Variants in SLC25A13 observed in about 807,000 individuals in gnomAD.
The protein encoded by SLC25A13 is electrogenic aspartate/glutamate antiporter SLC25A13, mitochondrial.
A neutral mutation model predicts 85.5 loss-of-function variants in SLC25A13; 70 were observed. The ratio of observed to expected loss-of-function variants is 0.82; its 90% CI spans 0.68 to 1.00. The LOEUF is 1.00. Ranked by LOEUF, SLC25A13 falls within the 50% of genes least tolerant of loss-of-function variation. The pLI is 0.00. For missense variants in SLC25A13, 765 were observed against 819.8 expected (o/e 0.93, Z 0.82); for synonymous variants, 259 against 288.7 (o/e 0.90, Z 1.04).
intron 4 of SLC25A13, among the ~76,000 whole-genome samples, chr7:96,226,008 A>G (rs933940088): frequency 7.9e-5 from 12 of 152,154 alleles, no homozygotes; most frequent in African/African-American, 2.9e-4. Flanking sequence ...ATGAAAATAA[A>G]ATCTTTTTTT....
chr7:96,152,178 C>G (rs1210307165), intron 13 of SLC25A13, among the ~76,000 whole-genome samples: 2 of 152,096 alleles, frequency 1.3e-5, no homozygotes, highest in South Asian at 4.1e-4. Flanking sequence ...AATAAGATTG[C>G]TGGAGCCAAC....
chr7:96,200,612 G>A (rs934820255), intron 5 of SLC25A13, among the ~76,000 whole-genome samples: 3 of 152,054 alleles, frequency 2.0e-5, no homozygotes, highest in Non-Finnish European at 4.4e-5. Flanking sequence ...AATTCACTGG[G>A]TGAGGCCTTT....
intron 3 of SLC25A13, among the ~76,000 whole-genome samples, chr7:96,244,800 A>C (rs960394795): frequency 6.6e-6 from 1 of 152,224 alleles, no homozygotes. Flanking sequence ...GGCTCCAGTG[A>C]AATCTGGCAG....
At chr7:96,181,468 G>A (rs1162671972) in intron 11 of SLC25A13, among the ~76,000 whole-genome samples, 1 of 152,114 alleles carries the variant, frequency 6.6e-6, no homozygotes, top group African/African-American at 2.4e-5. Context: ...AATGCCACAG[G>A]GAAAGGCTTT....
At chr7:96,229,068 C>T (rs558291834) in intron 4 of SLC25A13, among the ~76,000 whole-genome samples, 17 of 152,314 alleles carry the variant, frequency 1.1e-4, no homozygotes, top group African/African-American at 3.4e-4. Context: ...CAGGTCCCAC[C>T]GACCACCCAA....
At chr7:96,236,517 G>A (rs916522418) in intron 3 of SLC25A13, among the ~76,000 whole-genome samples, 2 of 152,218 alleles carry the variant, frequency 1.3e-5, no homozygotes, top group Non-Finnish European at 2.9e-5. Context: ...AAGAGTTGGG[G>A]ACTGCTTCAT....
intron 2 of SLC25A13, 81 bp from the exon 3 acceptor site, chr7:96,277,419 T>G: frequency 7.5e-7 from 1 of 1,340,504 alleles, no homozygotes; most frequent in East Asian, 2.5e-5. Context: ...TGTGAAAAAG[T>G]TGAAAATATC....
chr7:96,310,203 G>A (rs763184443), intron 1 of SLC25A13, among the ~76,000 whole-genome samples: 2 of 151,992 alleles, frequency 1.3e-5, no homozygotes, highest in Non-Finnish European at 2.9e-5. Flanking sequence ...CAGCTGTTTC[G>A]ATTCTTTTCT....
chr7:96,219,881 G>C (rs565038218), intron 4 of SLC25A13: 1 of 394,846 alleles, frequency 2.5e-6, no homozygotes, highest in South Asian at 2.1e-5. Flanking sequence ...GATATTTAGC[G>C]TAAGATATTA....
At chr7:96,264,446 A>C (rs775440294) in intron 3 of SLC25A13, among the ~76,000 whole-genome samples, 101 of 148,744 alleles carry the variant, frequency 6.8e-4, no homozygotes, top group Non-Finnish European at 1.2e-3. Context: ...CTGTCCCCAA[A>C]TCTCACCACT....
At chr7:96,260,070 G>T (rs911143676) in intron 3 of SLC25A13, among the ~76,000 whole-genome samples, 1 of 152,004 alleles carries the variant, frequency 6.6e-6, no homozygotes, top group East Asian at 1.9e-4. Context: ...GGGGAGCAAG[G>T]GGAGGGATAG....
At chr7:96,316,125 AAT>A (rs137922014) in intron 1 of SLC25A13, among the ~76,000 whole-genome samples, 16 of 149,508 alleles carry the variant, frequency 1.1e-4, no homozygotes, top group East Asian at 2.0e-4. Flanking sequence ...CCCTGTCCCA[AAT>A]ATATATATAT....
intron 2 of SLC25A13, among the ~76,000 whole-genome samples, chr7:96,295,211 C>A (rs1358060200): frequency 3.3e-5 from 5 of 152,062 alleles, no homozygotes. Context: ...ACAAAATTAG[C>A]CGGGTGTGGT....
At chr7:96,292,460 TATTCA>T (rs1374918495) in intron 2 of SLC25A13, among the ~76,000 whole-genome samples, 2 of 152,084 alleles carry the variant, frequency 1.3e-5, no homozygotes, top group African/African-American at 4.8e-5. Context: ...AAATAAAGGG[TATTCA>T]ATTAGGAAAA....
chr7:96,270,439 C>T (rs1427194119), intron 3 of SLC25A13, among the ~76,000 whole-genome samples: 1 of 151,910 alleles, frequency 6.6e-6, no homozygotes, highest in Admixed American at 6.6e-5. Context: ...CCCTGTAATC[C>T]CAGCTACTCA....
At chr7:96,320,738 A>G (rs1800310128) in intron 1 of SLC25A13, among the ~76,000 whole-genome samples, 1 of 152,344 alleles carries the variant, frequency 6.6e-6, no homozygotes, top group Admixed American at 6.5e-5. Flanking sequence ...TGCCACTTAG[A>G]CCACAGAAAC....
chr7:96,224,688 C>T lies in SLC25A13; in HGVS notation c.328+10114G>A, dbSNP rs150727102. Among the ~76,000 whole-genome samples the T allele has an allele frequency of 1.6e-3, 237 of 152,318 alleles. 3 individuals carry two copies. The highest frequency in any genetic ancestry group is 5.5e-3 in the African/African-American group (229 of 41,576). ...ACTCTAAGCCAGGTACGTTCTCTTC[C>T]TTATTACTTTCCACCATAGTGAAAA... is the stretch of plus-strand genomic sequence containing the variant. On this transcript the variant is annotated intron_variant, in intron 4 of 17. Coordinates refer to ENST00000265631, the MANE Select transcript of SLC25A13 (RefSeq NM_014251.3).
chr7:96,235,377 C>T (rs1055372339), intron 3 of SLC25A13, among the ~76,000 whole-genome samples: 57 of 152,140 alleles, frequency 3.7e-4, no homozygotes, highest in African/African-American at 1.3e-3. Flanking sequence ...TGTGAATTGA[C>T]CTAGGGCTAG....
intron 4 of SLC25A13, among the ~76,000 whole-genome samples, chr7:96,220,006 T>C (rs982006890): frequency 2.0e-5 from 3 of 152,224 alleles, no homozygotes; most frequent in African/African-American, 4.8e-5. Context: ...TAGCCTTTCA[T>C]AATATCAAAA....
Sources: allele counts gnomAD v4.1 joint callset (sites outside exome capture counted in the v4.1 genomes callset), GRCh38; gene constraint gnomAD v4.1.1; transcripts MANE v1.5; gene names NCBI Gene and HGNC (gene_info 2026-07-23, HGNC 2026-07-21).